SLFN12L: variants seen among roughly 807,000 people sequenced by gnomAD.
SLFN12L encodes the protein schlafen family member 12-like.
In SLFN12L, 34 loss-of-function variants were observed where a neutral mutation model predicts 34.8. The ratio of observed to expected loss-of-function variants is 0.98; its 90% CI spans 0.74 to 1.30. The LOEUF (loss-of-function observed/expected upper bound fraction) is 1.30. Among genes scored for constraint, SLFN12L ranks in the 50% most tolerant of loss-of-function variants. SLFN12L has a pLI of 0.00. For missense variants in SLFN12L, 703 were observed against 696.2 expected (o/e 1.01, Z -0.11); for synonymous variants, 259 against 247.5 (o/e 1.05, Z -0.44).
chr17:35,501,590 T>G (rs929340186), intron 2 of SLFN12L, among the ~76,000 whole-genome samples: 1 of 152,156 alleles, frequency 6.6e-6, no homozygotes, highest in Non-Finnish European at 1.5e-5. Context: ...GTGCATGAGG[T>G]GTGAGTGTGG....
chr17:35,512,150 A>ATT (rs34171279), intron 2 of SLFN12L, among the ~76,000 whole-genome samples: 4,083 of 69,112 alleles, frequency 0.059, 393 homozygotes, highest in East Asian at 0.19. Context: ...AAAAGAGCTG[A>ATT]TTTTTTTTTT....
rs1597826091 is a variant in SLFN12L at position 35,475,145 on chromosome 17, C to A, written c.1617G>T (p.Lys539Asn). Residue 539 changes from lysine (K) to asparagine (N), a missense_variant, in exon 5 of 5, where the codon AAG becomes AAT. By Grantham distance (94) the Lys-to-Asn change is moderately conservative (BLOSUM62 0). Transcript: ENST00000628453. The stretch of plus-strand genomic sequence containing the variant: ...TGCCTTCAGGGCTCAAGTAGAAGAT[C>A]TTTGTCATGACACACACTTTTTTAG... The part of the protein sequence containing the change: ...GYTKKVCVMT[K>N]IFYLSPEGKT... 6.2e-7 allele frequency: 1 copy of A among 1,614,198 alleles called. No homozygotes were observed. The highest frequency in any genetic ancestry group is 8.5e-7 in the Non-Finnish European group (1 of 1,180,038).
chr17:35,530,356 A>G (rs2072379915), intron 1 of SLFN12L, among the ~76,000 whole-genome samples: 1 of 112,956 alleles, frequency 8.9e-6, no homozygotes, highest in African/African-American at 3.4e-5. Flanking sequence ...AAAAAAAAAG[A>G]GAAAGAAAGG....
At chr17:35,515,064 C>A (rs1915768821) in intron 2 of SLFN12L, 3 of 604,286 alleles carry the variant, frequency 5.0e-6, no homozygotes, top group Non-Finnish European at 9.7e-6. Flanking sequence ...CTGTTTCTTT[C>A]TTTATTCTGG....
chr17:35,530,295 C>T (rs1178790887), intron 1 of SLFN12L, among the ~76,000 whole-genome samples: 5 of 144,748 alleles, frequency 3.5e-5, no homozygotes, highest in Admixed American at 2.1e-4. Context: ...TGCAGTGAGC[C>T]AAGATTGTGC....
chr17:35,535,513 G>A (rs2142182628), intron 1 of SLFN12L, among the ~76,000 whole-genome samples: 1 of 147,166 alleles, frequency 6.8e-6, no homozygotes, highest in Non-Finnish European at 1.5e-5. Flanking sequence ...AAGCAACAGG[G>A]TCTTGCTCTG....
intron 2 of SLFN12L, among the ~76,000 whole-genome samples, chr17:35,494,102 T>TAG (rs1914947757): frequency 6.6e-6 from 1 of 152,176 alleles, no homozygotes; most frequent in South Asian, 2.1e-4. Flanking sequence ...GGGAATTTAT[T>TAG]TTCCTACGGG....
intron 2 of SLFN12L, among the ~76,000 whole-genome samples, chr17:35,495,860 G>T (rs1170807467): frequency 2.6e-5 from 4 of 151,350 alleles, no homozygotes; most frequent in African/African-American, 9.7e-5. Context: ...AATCTGAAGC[G>T]TGCAGGGTGA....
chr17:35,495,705 G>T (rs1915032094), intron 2 of SLFN12L, among the ~76,000 whole-genome samples: 1 of 128,022 alleles, frequency 7.8e-6, no homozygotes, highest in African/African-American at 3.0e-5. Flanking sequence ...GATTCTGCTC[G>T]CGAGCCGCAG....
chr17:35,507,848 GGGTA>G, intron 2 of SLFN12L, among the ~76,000 whole-genome samples: 1 of 152,148 alleles, frequency 6.6e-6, no homozygotes, highest in Non-Finnish European at 1.5e-5. Flanking sequence ...AAGAAGACAT[GGGTA>G]GTGAGAATGA....
In SLFN12L at chr17:35,465,421, A is replaced by T. The variant is rs1396699908; in HGVS notation, c.*9502T>A. Among the ~76,000 whole-genome samples the T allele has an allele frequency of 6.6e-6, 1 of 152,032 alleles. No homozygotes were observed. The highest frequency in any genetic ancestry group is 1.9e-4 in the East Asian group (1 of 5,194). ...CAGTGCCTTAAAGTATCTCGTATTG[A>T]ACATAGACTCCATGTCACAATAAAT... On this transcript the variant is annotated 3_prime_UTR_variant, in exon 5 of 5. Transcript: ENST00000628453.
chr17:35,494,395 C>G lies in SLFN12L; in HGVS notation c.87-14200G>C, dbSNP rs187584009. 5.1e-4 allele frequency among the ~76,000 whole-genome samples: 78 copies of G among 152,106 alleles called. 1 individual carries two copies. In the East Asian group the frequency reaches 0.013, roughly 26 times the overall value. On this transcript the variant is annotated intron_variant, in intron 2 of 4. Coordinates refer to ENST00000628453, the MANE Select transcript of SLFN12L (RefSeq NM_001363830.2). ...GATTTTTTAAGAAAAAAAGAAATAT[C>G]CTTAATCTGTTAAAGATTATTTATA...
chr17:35,535,349 C>A (rs1446697764), intron 1 of SLFN12L, among the ~76,000 whole-genome samples: 3 of 151,652 alleles, frequency 2.0e-5, no homozygotes, highest in African/African-American at 4.8e-5. Context: ...TGCCACCTTG[C>A]CTAGCTAATT....
rs1473091959 is a variant in SLFN12L, at chr17:35,467,138, C to G, written c.*7785G>C. 6.6e-6 allele frequency among the ~76,000 whole-genome samples: 1 copy of G among 152,162 alleles called. No individual in the cohort carries two copies. The highest frequency in any genetic ancestry group is 1.5e-5 in the Non-Finnish European group (1 of 68,016). On this transcript the variant is annotated 3_prime_UTR_variant, in exon 5 of 5. Coordinates refer to ENST00000628453, the MANE Select transcript of SLFN12L (RefSeq NM_001363830.2). ...AGTGCTGGAGGAGGTCACCTCTCCT[C>G]CAGACCCCTTGGTTACCTGGAAAGC...
intron 2 of SLFN12L, among the ~76,000 whole-genome samples, chr17:35,509,438 A>G (rs1915566614): frequency 6.6e-6 from 1 of 152,130 alleles, no homozygotes; most frequent in Non-Finnish European, 1.5e-5. Context: ...TAAAGCTGAG[A>G]TTCTTCTGTT....
chr17:35,501,975 G>C (rs1031827987), intron 2 of SLFN12L, among the ~76,000 whole-genome samples: 2 of 151,932 alleles, frequency 1.3e-5, no homozygotes, highest in African/African-American at 4.8e-5. Flanking sequence ...GAGACAGAGA[G>C]ACAAAGAGGG....
chr17:35,490,066 C>A, intron 2 of SLFN12L: 1 of 1,606,194 alleles, frequency 6.2e-7, no homozygotes, highest in East Asian at 2.2e-5. Flanking sequence ...TCCAAAGCGG[C>A]GCCGTAGCCA....
chr17:35,492,995 A>G (rs559816093), intron 2 of SLFN12L, among the ~76,000 whole-genome samples: 2 of 151,800 alleles, frequency 1.3e-5, no homozygotes, highest in Non-Finnish European at 2.9e-5. Flanking sequence ...GCAAAAAACC[A>G]CAAGAGCCTC....
intron 2 of SLFN12L, among the ~76,000 whole-genome samples, chr17:35,483,880 C>T (rs937684445): frequency 1.3e-5 from 2 of 152,178 alleles, no homozygotes; most frequent in African/African-American, 4.8e-5. Flanking sequence ...GTAGATACCA[C>T]CTTTGTCTCT....
Sources: gnomAD v4.1 joint callset for allele counts (sites outside exome capture counted in the v4.1 genomes callset) on GRCh38, gnomAD v4.1.1 for gene constraint, MANE v1.5 for transcripts, NCBI Gene and HGNC (gene_info 2026-07-23, HGNC 2026-07-21) for gene names.